GBE1: variants seen among roughly 807,000 people sequenced by gnomAD.
GBE1 encodes the protein 1,4-alpha-glucan branching enzyme 1.
GBE1 carries 70 observed loss-of-function variants against 88.8 expected under a neutral mutation model. The observed-to-expected ratio is 0.79, with a 90% CI of 0.65 to 0.96. The LOEUF is 0.96. Ranked by LOEUF, GBE1 falls within the 40% of genes least tolerant of loss-of-function variation. The probability of loss-of-function intolerance (pLI) is 0.00; values close to 1 mark genes in which losing one functional copy is unlikely to be tolerated. For synonymous variants in GBE1, 284 were observed against 300.1 expected (o/e 0.95, Z 0.56); for missense variants, 872 against 871.0 (o/e 1.00, Z -0.01).
intron 3 of GBE1, among the ~76,000 whole-genome samples, chr3:81,651,776 C>A (rs1424102016): frequency 6.6e-6 from 1 of 152,166 alleles, no homozygotes; most frequent in Non-Finnish European, 1.5e-5. Context: ...CCTCCAAAGG[C>A]CCATCATAAA....
intron 3 of GBE1, among the ~76,000 whole-genome samples, chr3:81,669,618 G>A (rs1322535022): frequency 6.6e-6 from 1 of 151,134 alleles, no homozygotes; most frequent in East Asian, 1.9e-4. Flanking sequence ...GAGTATACAG[G>A]AGTAGGAAAA....
At position 81,616,632 on chromosome 3, in the gene GBE1, C is replaced by T. The variant is rs540902929; in HGVS notation, c.993-22609G>A. On this transcript the variant is annotated intron_variant, in intron 7 of 15. Coordinates refer to ENST00000429644, the MANE Select transcript of GBE1 (RefSeq NM_000158.4). Reference sequence around the variant, plus strand: ...GAGTAAAAATTGGGGAGACTGATTGCTCCCACTTTATTCCACTTTTACAAG... The same window carrying T: ...GAGTAAAAATTGGGGAGACTGATTGTTCCCACTTTATTCCACTTTTACAAG... Among the ~76,000 whole-genome samples the T allele has an allele frequency of 2.6e-5, 4 of 152,230 alleles. No homozygotes were observed. In the East Asian group the frequency reaches 7.7e-4, roughly 29 times the overall value.
chr3:81,701,398 C>A (rs952491267), intron 2 of GBE1, among the ~76,000 whole-genome samples: 28 of 152,006 alleles, frequency 1.8e-4, no homozygotes, highest in African/African-American at 6.0e-4. Context: ...ATGTGGATGG[C>A]AAATCTGCCT....
At chr3:81,655,328 G>A (rs1055484092) in intron 3 of GBE1, among the ~76,000 whole-genome samples, 15 of 151,988 alleles carry the variant, frequency 9.9e-5, no homozygotes, top group Non-Finnish European at 1.5e-4. Context: ...TTACAGGCAT[G>A]AGCCACTGCA....
At chr3:81,761,299 G>T (rs1054219499) in intron 1 of GBE1, 76 bp downstream of exon 1, 2 of 1,514,788 alleles carry the variant, frequency 1.3e-6, no homozygotes, top group Admixed American at 2.0e-5. Flanking sequence ...AGGGCCGAGG[G>T]GCGGCCCGTG....
chr3:81,619,514 AT>A (rs1450999754), intron 7 of GBE1, among the ~76,000 whole-genome samples: 1 of 152,172 alleles, frequency 6.6e-6, no homozygotes, highest in East Asian at 1.9e-4. Context: ...CCACATTTGC[AT>A]TTTAATATAA....
chr3:81,709,395 T>C (rs929724557), intron 1 of GBE1, among the ~76,000 whole-genome samples: 11 of 141,658 alleles, frequency 7.8e-5, no homozygotes, highest in Non-Finnish European at 1.4e-4. Context: ...TATTAAGTTA[T>C]GTAAGTAATA....
chr3:81,590,007 T>C (rs1241198132), intron 9 of GBE1, among the ~76,000 whole-genome samples: 1 of 152,012 alleles, frequency 6.6e-6, no homozygotes, highest in Non-Finnish European at 1.5e-5. Flanking sequence ...TTTAATTGTA[T>C]ATAAGAACGA....
At chr3:81,598,757 TTAAA>T (rs908303122) in intron 7 of GBE1, among the ~76,000 whole-genome samples, 1 of 151,730 alleles carries the variant, frequency 6.6e-6, no homozygotes, top group African/African-American at 2.4e-5. Context: ...TCAAATACTG[TTAAA>T]TAATGAGTAG....
intron 15 of GBE1, among the ~76,000 whole-genome samples, chr3:81,492,178 G>A (rs541129060): frequency 6.6e-6 from 1 of 152,318 alleles, no homozygotes; most frequent in South Asian, 2.1e-4. Context: ...GTCACTAAGT[G>A]TGAGAAAACC....
chr3:81,715,843 TA>T (rs962592699), intron 1 of GBE1, among the ~76,000 whole-genome samples: 11 of 151,906 alleles, frequency 7.2e-5, no homozygotes, highest in Non-Finnish European at 1.2e-4. Flanking sequence ...TCTTTCTTTT[TA>T]AAAAAAATAA....
intron 2 of GBE1, among the ~76,000 whole-genome samples, chr3:81,685,309 A>T (rs1023430974): frequency 3.9e-5 from 6 of 151,928 alleles, no homozygotes; most frequent in African/African-American, 1.5e-4. Flanking sequence ...TGAGAAAGAC[A>T]AGTTTTTTGT....
chr3:81,671,669 C>T (rs1314710901), intron 2 of GBE1, among the ~76,000 whole-genome samples: 3 of 152,026 alleles, frequency 2.0e-5, no homozygotes, highest in Non-Finnish European at 4.4e-5. Context: ...ATCATTTGAA[C>T]ATGGATTAAT....
chr3:81,632,665 A>G (rs1704531726), intron 7 of GBE1, among the ~76,000 whole-genome samples: 1 of 152,174 alleles, frequency 6.6e-6, no homozygotes, highest in African/African-American at 2.4e-5. Context: ...AGGATCTAGA[A>G]CTAGAAATAT....
At chr3:81,676,780 G>T (rs929182821) in intron 2 of GBE1, among the ~76,000 whole-genome samples, 9 of 151,958 alleles carry the variant, frequency 5.9e-5, no homozygotes, top group African/African-American at 2.2e-4. Flanking sequence ...TTATTAACAG[G>T]TTTAAATTCA....
Position 81,648,855 on chromosome 3 carries a change from C to T in GBE1, c.691+1G>A. The T allele has an allele frequency of 6.7e-7, 1 of 1,500,706 alleles. No individual in the cohort carries two copies. The highest frequency in any genetic ancestry group is 8.9e-7 in the Non-Finnish European group (1 of 1,120,024). The allele number at this position is 1,500,706 out of a possible 1,614,324, so 93.0% of individuals were successfully genotyped here. Reference sequence around the variant, plus strand: ...GAATAAAAATCACAGTTATTACTTACCAAGGCCTTTGATTCTTGGTAGTAC... The same window carrying T: ...GAATAAAAATCACAGTTATTACTTATCAAGGCCTTTGATTCTTGGTAGTAC... On this transcript the variant is annotated splice_donor_variant, in intron 5 of 15. Transcript: ENST00000429644. LOFTEE classifies it high-confidence loss of function.
intron 12 of GBE1, among the ~76,000 whole-genome samples, chr3:81,561,256 A>T (rs1289999541): frequency 6.6e-6 from 1 of 152,062 alleles, no homozygotes; most frequent in Non-Finnish European, 1.5e-5. Context: ...GCAGAAGTTG[A>T]TTCAAACTTG....
At chr3:81,566,410 T>G (rs1703495913) in intron 12 of GBE1, among the ~76,000 whole-genome samples, 1 of 152,180 alleles carries the variant, frequency 6.6e-6, no homozygotes, top group African/African-American at 2.4e-5. Context: ...CTTTAATATG[T>G]TAGTTATTTG....
intron 3 of GBE1, chr3:81,654,648 TA>T (rs1221823132): frequency 4.6e-5 from 7 of 152,178 alleles, no homozygotes; most frequent in African/African-American, 1.7e-4. Context: ...AGCTTTTCTT[TA>T]AAAAATTTTT....
Sources: allele counts gnomAD v4.1 joint callset (sites outside exome capture counted in the v4.1 genomes callset), GRCh38; gene constraint gnomAD v4.1.1; transcripts MANE v1.5; gene names NCBI Gene and HGNC (gene_info 2026-07-23, HGNC 2026-07-21).